The following GPC6 variants were observed in gnomAD, a reference collection of about 807,000 sequenced individuals.
GPC6 encodes the protein glypican-6.
A neutral mutation model predicts 55.2 loss-of-function variants in GPC6; 14 were observed. That is an observed-to-expected ratio of 0.25 (90% CI 0.17 to 0.40). The LOEUF is 0.40. Ranked by LOEUF, GPC6 falls within the 10% of genes least tolerant of loss-of-function variation. GPC6 has a pLI of 1.00. For synonymous variants in GPC6, 278 were observed against 259.6 expected, an observed-to-expected ratio of 1.07 and a Z score of -0.68; for missense variants, 641 against 708.5, an observed-to-expected ratio of 0.90 and a Z score of 1.08.
At chr13:93,938,219 C>G (rs1163742335) in intron 3 of GPC6, among the ~76,000 whole-genome samples, 4 of 152,102 alleles carry the variant, frequency 2.6e-5, no homozygotes. Context: ...GGAACAGAAG[C>G]AAACCTAATT....
rs762082036 is a variant in GPC6, at chr13:94,276,580, T to TAAG, written c.878-9768_878-9766dup. On this transcript the variant is annotated intron_variant, in intron 4 of 8. Coordinates refer to ENST00000377047, the MANE Select transcript of GPC6 (RefSeq NM_005708.5). ...TTCCTGCACCTGTTGACCCATCCTC[T>TAAG]AAGTTCCCACCCCTTGCCTCCCTAA... Among the ~76,000 whole-genome samples, 5 of 152,198 alleles carry TAAG rather than the reference T, an allele frequency of 3.3e-5. No individual in the cohort carries two copies. In the East Asian group the frequency reaches 5.8e-4, roughly 18 times the overall value.
rs372082568 is a variant in GPC6 at position 94,371,676 on chromosome 13, CAA to C, written c.1153-10736_1153-10735del. Among the ~76,000 whole-genome samples, 1,233 of 152,272 alleles carry C rather than the reference CAA, an allele frequency of 8.1e-3. 10 individuals carry two copies. Among genetic ancestry groups the C allele is most frequent in the Non-Finnish European group, 0.012 (796 of 68,004 alleles). ...CAGCAGTTGCCATGTGCCCTGACAACAAAGTCTTGTCTCTTTCCCAACTTTTC... is the reference window on the plus strand; with the variant it reads ...CAGCAGTTGCCATGTGCCCTGACAACAGTCTTGTCTCTTTCCCAACTTTTC... On this transcript the variant is annotated intron_variant, in intron 6 of 8. Transcript: ENST00000377047.
At chr13:93,556,276 C>A (rs1210391232) in intron 2 of GPC6, among the ~76,000 whole-genome samples, 2 of 151,264 alleles carry the variant, frequency 1.3e-5, no homozygotes, top group Admixed American at 1.3e-4. Context: ...TGGTAAAATA[C>A]TTTTTAATTT....
At chr13:93,766,978 ATT>A (rs993689710) in intron 2 of GPC6, among the ~76,000 whole-genome samples, 15 of 148,706 alleles carry the variant, frequency 1.0e-4, no homozygotes, top group African/African-American at 3.4e-4. Flanking sequence ...AATGCACTTA[ATT>A]TTTTTTTTTC....
Position 94,329,821 on chromosome 13 carries a change from CA to C in GPC6, c.1152+23708del, listed in dbSNP as rs566314036. On this transcript the variant is annotated intron_variant, in intron 6 of 8. Transcript: ENST00000377047. ...TCTCTTACCTTGGTCCTATTTGGGA[CA>C]AAAAAAAAATCCCTGGGTCAGAAAT... Among the ~76,000 whole-genome samples the C allele has an allele frequency of 3.4e-3, 498 of 145,790 alleles. 3 individuals carry two copies. Among genetic ancestry groups the C allele is most frequent in the Non-Finnish European group, 3.6e-3 (238 of 65,964 alleles).
At chr13:94,060,896 T>TGGTGCAAG (rs1884299317) in intron 4 of GPC6, among the ~76,000 whole-genome samples, 1 of 152,198 alleles carries the variant, frequency 6.6e-6, no homozygotes, top group South Asian at 2.1e-4. Flanking sequence ...TGAAAGTAAT[T>TGGTGCAAG]GTACATGCAA....
At chr13:93,546,600 A>C (rs556869840) in intron 2 of GPC6, among the ~76,000 whole-genome samples, 5 of 152,302 alleles carry the variant, frequency 3.3e-5, no homozygotes, top group African/African-American at 7.2e-5. Context: ...TGTATATGAA[A>C]ATAATTTTTA....
intron 2 of GPC6, among the ~76,000 whole-genome samples, chr13:93,577,784 G>C (rs1876734988): frequency 6.6e-6 from 1 of 151,968 alleles, no homozygotes; most frequent in South Asian, 2.1e-4. Context: ...TCCTTGTCTT[G>C]TTCCAGAACT....
chr13:93,929,597 G>T (rs1878049271), intron 3 of GPC6, among the ~76,000 whole-genome samples: 1 of 152,066 alleles, frequency 6.6e-6, no homozygotes, highest in Non-Finnish European at 1.5e-5. Context: ...AAAACAAGCA[G>T]TTTTTTCAAG....
intron 2 of GPC6, among the ~76,000 whole-genome samples, chr13:93,614,055 C>G (rs1878609234): frequency 1.3e-5 from 2 of 152,182 alleles, no homozygotes; most frequent in Admixed American, 6.5e-5. Flanking sequence ...GTCAGTCTCA[C>G]TGTACATTTA....
chr13:93,820,499 TCTC>T (rs1406071157), intron 2 of GPC6, among the ~76,000 whole-genome samples: 8 of 152,032 alleles, frequency 5.3e-5, no homozygotes, highest in Admixed American at 3.9e-4. Context: ...TGAAAATAAT[TCTC>T]CTTGTTTTGT....
At chr13:93,843,992 C>T (rs1385066818) in intron 3 of GPC6, among the ~76,000 whole-genome samples, 1 of 151,994 alleles carries the variant, frequency 6.6e-6, no homozygotes, top group Non-Finnish European at 1.5e-5. Flanking sequence ...TTTGGAAGTA[C>T]ACAATATGTT....
intron 3 of GPC6, among the ~76,000 whole-genome samples, chr13:93,867,357 C>A (rs886286265): frequency 1.3e-5 from 2 of 151,724 alleles, no homozygotes; most frequent in Non-Finnish European, 2.9e-5. Context: ...GAGAAGTCTG[C>A]AGACTGGAGT....
intron 3 of GPC6, among the ~76,000 whole-genome samples, chr13:93,920,342 T>G (rs904326699): frequency 6.6e-6 from 1 of 152,116 alleles, no homozygotes; most frequent in African/African-American, 2.4e-5. Context: ...TCTCATCCAG[T>G]TTCTGTGGCT....
At chr13:93,843,704 C>T (rs1163686080) in intron 3 of GPC6, among the ~76,000 whole-genome samples, 1 of 152,132 alleles carries the variant, frequency 6.6e-6, no homozygotes, top group Non-Finnish European at 1.5e-5. Context: ...CCGGCAATTG[C>T]ATAGCAAAGA....
At chr13:93,305,075 G>A (rs1428504325) in intron 1 of GPC6, among the ~76,000 whole-genome samples, 2 of 152,122 alleles carry the variant, frequency 1.3e-5, no homozygotes, top group African/African-American at 4.8e-5. Flanking sequence ...TCAGGATTCA[G>A]CTAATTTACA....
chr13:94,110,939 C>T (rs1159991067), intron 4 of GPC6, among the ~76,000 whole-genome samples: 3 of 152,060 alleles, frequency 2.0e-5, no homozygotes, highest in African/African-American at 7.2e-5. Flanking sequence ...ATAGTGCTGA[C>T]TTGTTCTCTG....
In GPC6 at chr13:94,207,930, T is replaced by C. The variant is rs143565996; in HGVS notation, c.878-78419T>C. ...ATTTTTGCACCAACTTCACATTATTTTTACAATTTATTATTTGAACGATCC... is the reference window on the plus strand; with the variant it reads ...ATTTTTGCACCAACTTCACATTATTCTTACAATTTATTATTTGAACGATCC... On this transcript the variant is annotated intron_variant, in intron 4 of 8. Coordinates refer to ENST00000377047, the MANE Select transcript of GPC6 (RefSeq NM_005708.5). 3.5e-3 allele frequency among the ~76,000 whole-genome samples: 532 copies of C among 152,326 alleles called. 3 individuals carry two copies. The highest frequency in any genetic ancestry group is 0.012 in the African/African-American group (499 of 41,574).
At chr13:94,063,268 A>G (rs2138771216) in intron 4 of GPC6, among the ~76,000 whole-genome samples, 1 of 152,336 alleles carries the variant, frequency 6.6e-6, no homozygotes, top group Admixed American at 6.5e-5. Flanking sequence ...ACTCTGCCTG[A>G]GGAAGTAGAT....
Sources: gnomAD v4.1 joint callset for allele counts (sites outside exome capture counted in the v4.1 genomes callset) on GRCh38, gnomAD v4.1.1 for gene constraint, MANE v1.5 for transcripts, NCBI Gene and HGNC (gene_info 2026-07-23, HGNC 2026-07-21) for gene names.